Variants in TENT4A observed in about 807,000 individuals in gnomAD.
TENT4A encodes the protein DNA polymerase kappa.
A neutral mutation model predicts 72.8 loss-of-function variants in TENT4A; 7 were observed. The observed-to-expected ratio is 0.10, with a 90% CI of 0.05 to 0.18. The LOEUF is 0.18. Among genes scored for constraint, TENT4A ranks in the 10% least tolerant of loss-of-function variants. The probability of loss-of-function intolerance (pLI) is 1.00; values close to 1 mark genes in which losing one functional copy is unlikely to be tolerated. For synonymous variants in TENT4A, 456 were observed against 434.3 expected (o/e 1.05, Z -0.62); for missense variants, 831 against 1,017.7 (o/e 0.82, Z 2.50).
At chr5:6,746,127 G>A in intron 6 of TENT4A, 87 bp from the exon 7 acceptor site, 1 of 1,597,894 alleles carries the variant, frequency 6.3e-7, no homozygotes, top group Non-Finnish European at 8.5e-7. Flanking sequence ...CCTTGAAGAG[G>A]CTGCTGGACA....
At chr5:6,750,699 T>C (rs1027329971) in intron 10 of TENT4A, 196 bp downstream of exon 10, 9 of 572,880 alleles carry the variant, frequency 1.6e-5, no homozygotes, top group Non-Finnish European at 2.4e-5. Flanking sequence ...CTTCAGAACC[T>C]GTCTGTGCGA....
intron 4 of TENT4A, among the ~76,000 whole-genome samples, chr5:6,740,592 A>G (rs1579481519): frequency 1.6e-5 from 1 of 61,938 alleles, no homozygotes; most frequent in Non-Finnish European, 3.8e-5. Flanking sequence ...GGGCATTCAC[A>G]TGTTTCTCAT....
At chr5:6,721,000 T>A (rs929022681) in intron 1 of TENT4A, among the ~76,000 whole-genome samples, 4 of 152,268 alleles carry the variant, frequency 2.6e-5, no homozygotes, top group East Asian at 1.9e-4. Flanking sequence ...GTGCCTCCTT[T>A]AGGAGGCACA....
intron 11 of TENT4A, 98 bp downstream of exon 11, chr5:6,751,295 A>G: frequency 1.5e-6 from 2 of 1,314,248 alleles, no homozygotes; most frequent in Non-Finnish European, 2.2e-6. Context: ...TTTGAATTAG[A>G]AGAGTAACTT....
chr5:6,753,119 A>G lies in TENT4A; in HGVS notation c.2184+82A>G, dbSNP rs190928297. 1.1e-4 allele frequency: 145 copies of G among 1,292,656 alleles called. 1 individual carries two copies. The African/African-American group carries it at 1.9e-3, about 17-fold the overall frequency. The allele number at this position is 1,292,656 out of a possible 1,614,324, so 80.1% of individuals were successfully genotyped here. On this transcript the variant is annotated intron_variant, in intron 12 of 12. Transcript: ENST00000230859. ...GTGCTAAATGTTTTCTCCTCCAGAG[A>G]GAATTCCAGAGAGATCATTTGAAAA...
In TENT4A at chr5:6,754,838, C is replaced by T. The variant is rs1246232823; in HGVS notation, c.2272C>T (p.Arg758Trp). 12 of 1,609,594 alleles carry T rather than the reference C, an allele frequency of 7.5e-6. No homozygotes were observed. Among genetic ancestry groups the T allele is most frequent in the African/African-American group, 2.7e-5 (2 of 74,980 alleles). ...CAGCTCTGTGGGTAGCGGAGGTGTG[C>T]GGCCCCCTGTGGGCAACAGGGGACA... ...GYSSVGSGGV[R>W]PPVGNRGHHQ... Residue 758 changes from arginine to tryptophan, a missense_variant, in exon 13 of 13, where the codon CGG becomes TGG. Coordinates refer to ENST00000230859, the MANE Select transcript of TENT4A (RefSeq NM_006999.6).
intron 1 of TENT4A, among the ~76,000 whole-genome samples, chr5:6,722,156 G>A (rs1415959596): frequency 2.0e-5 from 3 of 152,128 alleles, no homozygotes; most frequent in Non-Finnish European, 4.4e-5. Context: ...TTTCGCCATG[G>A]TTTCTAACTT....
intron 5 of TENT4A, 73 bp downstream of exon 5, chr5:6,742,670 G>A (rs1002849109): frequency 8.5e-6 from 7 of 825,590 alleles, no homozygotes; most frequent in East Asian, 2.4e-5. Flanking sequence ...ATCCTACGAT[G>A]TTTACAGCTG....
intron 1 of TENT4A, 52 bp from the exon 2 acceptor site, chr5:6,737,458 A>G (rs2279657): frequency 0.65 from 966,485 of 1,493,962 alleles, 315,496 homozygotes; most frequent in Non-Finnish European, 0.67. Flanking sequence ...AGAACAGAAA[A>G]TGTGGTGACA....
intron 4 of TENT4A, 84 bp downstream of exon 4, chr5:6,739,936 C>A: frequency 1.5e-6 from 2 of 1,357,402 alleles, no homozygotes; most frequent in Non-Finnish European, 2.1e-6. Context: ...GCGTCACGAG[C>A]TTGTGGTATT....
At chr5:6,730,596 C>CA (rs1220712888) in intron 1 of TENT4A, among the ~76,000 whole-genome samples, 1 of 152,140 alleles carries the variant, frequency 6.6e-6, no homozygotes, top group African/African-American at 2.4e-5. Flanking sequence ...CAGCTTCATT[C>CA]ACAGCCCCTG....
intron 4 of TENT4A, among the ~76,000 whole-genome samples, chr5:6,740,995 G>C (rs1741772518): frequency 6.6e-6 from 1 of 152,230 alleles, no homozygotes; most frequent in African/African-American, 2.4e-5. Flanking sequence ...GGCCGCTGTT[G>C]TCTGCTGCTC....
intron 10 of TENT4A, 59 bp downstream of exon 10, chr5:6,750,562 C>T: frequency 1.4e-6 from 2 of 1,425,118 alleles, no homozygotes; most frequent in South Asian, 2.8e-5. Flanking sequence ...TGGTAAATGT[C>T]CATAGCCGCG....
Position 6,755,244 on chromosome 5 carries a change from G to A in TENT4A, c.*299G>A, listed in dbSNP as rs529208421. 6 of 285,062 alleles carry A rather than the reference G, an allele frequency of 2.1e-5. No homozygotes were observed. The highest frequency in any genetic ancestry group is 5.2e-5 in the Admixed American group (1 of 19,052). 17.7% of individuals were successfully genotyped at this position (285,062 alleles called of 1,614,324 possible). A position where few individuals can be genotyped will look rare whatever the true frequency, so the allele number is the denominator to read the frequency against. On this transcript the variant is annotated 3_prime_UTR_variant, in exon 13 of 13. Transcript: ENST00000230859. ...TGCAGGGACGTGAACATGCGCTTGC[G>A]GTTTGAGGTAGCCGTGTCTGTTCCT...
At chr5:6,722,340 C>T (rs1740694104) in intron 1 of TENT4A, among the ~76,000 whole-genome samples, 1 of 152,174 alleles carries the variant, frequency 6.6e-6, no homozygotes, top group Non-Finnish European at 1.5e-5. Flanking sequence ...TTCTTGCCAG[C>T]TGGACAGGAA....
intron 1 of TENT4A, among the ~76,000 whole-genome samples, chr5:6,720,715 TAAATAAAA>T (rs1740606433): frequency 2.7e-5 from 4 of 147,334 alleles, no homozygotes; most frequent in African/African-American, 5.1e-5. Context: ...AATAAATAAA[TAAATAAAA>T]GTTTGCAGGA....
chr5:6,726,370 T>C (rs966237676), intron 1 of TENT4A, among the ~76,000 whole-genome samples: 1 of 152,212 alleles, frequency 6.6e-6, no homozygotes, highest in African/African-American at 2.4e-5. Context: ...TTCCCGGGAC[T>C]GCTGCCTGAG....
intron 1 of TENT4A, among the ~76,000 whole-genome samples, chr5:6,732,087 C>T (rs1741243871): frequency 6.6e-6 from 1 of 152,174 alleles, no homozygotes; most frequent in Non-Finnish European, 1.5e-5. Context: ...CTTTGAACAA[C>T]TTAGAAATTG....
intron 1 of TENT4A, among the ~76,000 whole-genome samples, chr5:6,723,626 A>T (rs186654797): frequency 1.3e-5 from 2 of 152,216 alleles, no homozygotes; most frequent in African/African-American, 2.4e-5. Flanking sequence ...CGTCGCTAAC[A>T]TGCGGGGGAT....
Sources: allele counts gnomAD v4.1 joint callset (sites outside exome capture counted in the v4.1 genomes callset), GRCh38; gene constraint gnomAD v4.1.1; transcripts MANE v1.5; gene names NCBI Gene and HGNC (gene_info 2026-07-23, HGNC 2026-07-21).